Variants in PDE4D observed in about 807,000 individuals in gnomAD.
The protein encoded by PDE4D is 3',5'-cyclic-AMP phosphodiesterase 4D.
A neutral mutation model predicts 87.4 loss-of-function variants in PDE4D; 24 were observed. The observed-to-expected ratio is 0.27, with a 90% CI of 0.20 to 0.39. The LOEUF is 0.39. Ranked by LOEUF, PDE4D falls within the 10% of genes least tolerant of loss-of-function variation. The pLI is 1.00. For synonymous variants in PDE4D, 384 were observed against 383.2 expected (o/e 1.00, Z -0.02); for missense variants, 714 against 1,041.0 (o/e 0.69, Z 4.32).
At chr5:59,136,123 C>T (rs1313832944) in intron 5 of PDE4D, among the ~76,000 whole-genome samples, 1 of 151,902 alleles carries the variant, frequency 6.6e-6, no homozygotes, top group Non-Finnish European at 1.5e-5. Flanking sequence ...ATTAACATAT[C>T]CATAAAAAAT....
intron 1 of PDE4D, among the ~76,000 whole-genome samples, chr5:59,262,642 C>T (rs914101251): frequency 1.3e-5 from 2 of 151,852 alleles, no homozygotes; most frequent in African/African-American, 4.8e-5. Context: ...TTCAGCATCC[C>T]TCCTGTGGAA....
At chr5:59,048,541 C>T (rs908734825) in intron 5 of PDE4D, among the ~76,000 whole-genome samples, 2 of 152,160 alleles carry the variant, frequency 1.3e-5, no homozygotes, top group African/African-American at 4.8e-5. Context: ...TATAGTTAGC[C>T]TGGATGGGGT....
intron 1 of PDE4D, among the ~76,000 whole-genome samples, chr5:59,453,972 G>C (rs1799532854): frequency 6.6e-6 from 1 of 152,212 alleles, no homozygotes; most frequent in Admixed American, 6.5e-5. Flanking sequence ...GGCTAATGCA[G>C]CTGAGGGCTT....
intron 1 of PDE4D, among the ~76,000 whole-genome samples, chr5:59,614,282 T>C (rs1389412790): frequency 6.6e-6 from 1 of 152,172 alleles, no homozygotes; most frequent in African/African-American, 2.4e-5. Flanking sequence ...AGGAAGATAA[T>C]TATATTGGAG....
At chr5:59,722,982 T>C (rs1756069111) in intron 1 of PDE4D, among the ~76,000 whole-genome samples, 2 of 152,150 alleles carry the variant, frequency 1.3e-5, no homozygotes, top group South Asian at 2.1e-4. Flanking sequence ...TTCATTATTA[T>C]ATAGTCATGG....
At chr5:60,173,157 T>TAC (rs1451642994) in intron 2 of PDE4D, among the ~76,000 whole-genome samples, 1 of 152,218 alleles carries the variant, frequency 6.6e-6, no homozygotes, top group Admixed American at 6.6e-5. Flanking sequence ...TGCCTACAGT[T>TAC]ACATTTGTGT....
intron 1 of PDE4D, among the ~76,000 whole-genome samples, chr5:59,400,484 CA>C (rs1312281626): frequency 6.9e-6 from 1 of 144,650 alleles, no homozygotes; most frequent in South Asian, 2.3e-4. Context: ...ATTGCAAGAA[CA>C]AAAAACCAAA....
chr5:59,043,104 G>T (rs1759966194), intron 5 of PDE4D, among the ~76,000 whole-genome samples: 1 of 152,128 alleles, frequency 6.6e-6, no homozygotes, highest in African/African-American at 2.4e-5. Context: ...GTCTGCTAAA[G>T]GACTGTATCG....
chr5:59,211,770 C>T (rs1166618665), intron 2 of PDE4D, among the ~76,000 whole-genome samples: 1 of 151,902 alleles, frequency 6.6e-6, no homozygotes, highest in Admixed American at 6.6e-5. Context: ...TTATTACTAC[C>T]ATCTTTATCT....
intron 2 of PDE4D, among the ~76,000 whole-genome samples, chr5:60,148,572 A>G (rs1781222410): frequency 6.6e-6 from 1 of 152,184 alleles, no homozygotes; most frequent in Admixed American, 6.5e-5. Context: ...GGATGACTGT[A>G]CAAATGAGTC....
chr5:59,447,045 G>C (rs1364775302), intron 1 of PDE4D, among the ~76,000 whole-genome samples: 1 of 152,224 alleles, frequency 6.6e-6, no homozygotes, highest in Non-Finnish European at 1.5e-5. Context: ...ATGAGGGTCA[G>C]ACTGGTCAGC....
At chr5:60,074,583 A>T (rs940674356) in intron 2 of PDE4D, among the ~76,000 whole-genome samples, 1 of 152,004 alleles carries the variant, frequency 6.6e-6, no homozygotes, top group African/African-American at 2.4e-5. Flanking sequence ...TGCCTCAATG[A>T]TCTAATACTG....
At chr5:60,495,019 A>G (rs1395852086) in intron 1 of PDE4D, among the ~76,000 whole-genome samples, 1 of 152,152 alleles carries the variant, frequency 6.6e-6, no homozygotes, top group African/African-American at 2.4e-5. Context: ...TCCCACCTCC[A>G]TGGCCCCTGT....
intron 1 of PDE4D, among the ~76,000 whole-genome samples, chr5:59,802,835 T>C (rs947148476): frequency 6.6e-6 from 1 of 152,166 alleles, no homozygotes; most frequent in Non-Finnish European, 1.5e-5. Context: ...ATGAATTCAA[T>C]AGTCCCTGCA....
At chr5:60,458,386 CAAAAAAA>C (rs61006284) in intron 1 of PDE4D, among the ~76,000 whole-genome samples, 29 of 75,180 alleles carry the variant, frequency 3.9e-4, no homozygotes, top group Middle Eastern at 8.6e-3. Context: ...GACTTCATTG[CAAAAAAA>C]AAAAAAAAAA....
intron 1 of PDE4D, among the ~76,000 whole-genome samples, chr5:59,441,143 G>A (rs1400344704): frequency 6.6e-6 from 1 of 152,214 alleles, no homozygotes; most frequent in African/African-American, 2.4e-5. Context: ...CACCCAGGCA[G>A]AAGTGCAGTA....
intron 1 of PDE4D, among the ~76,000 whole-genome samples, chr5:60,317,298 A>G (rs1449986572): frequency 6.6e-6 from 1 of 152,066 alleles, no homozygotes; most frequent in Non-Finnish European, 1.5e-5. Flanking sequence ...GTATTCTCTA[A>G]CGGTAGTTTG....
intron 1 of PDE4D, among the ~76,000 whole-genome samples, chr5:60,317,938 G>A (rs1022864954): frequency 6.6e-6 from 1 of 152,212 alleles, no homozygotes; most frequent in Non-Finnish European, 1.5e-5. Context: ...TAAGTGCGGT[G>A]TGGTACTGAG....
At chr5:59,834,271 T>TC (rs1383650859) in intron 1 of PDE4D, among the ~76,000 whole-genome samples, 1 of 151,680 alleles carries the variant, frequency 6.6e-6, no homozygotes, top group Non-Finnish European at 1.5e-5. Context: ...AATGCCATGC[T>TC]CCCCCCACTC....
Sources: allele counts gnomAD v4.1 joint callset (sites outside exome capture counted in the v4.1 genomes callset), GRCh38; gene constraint gnomAD v4.1.1; transcripts MANE v1.5; gene names NCBI Gene and HGNC (gene_info 2026-07-23, HGNC 2026-07-21).